WDR4: variants seen among roughly 807,000 people sequenced by gnomAD.
WDR4 encodes the protein WDR4 tRNA N7-guanosine methyltransferase non-catalytic subunit.
A neutral mutation model predicts 48.6 loss-of-function variants in WDR4; 47 were observed. That is an observed-to-expected ratio of 0.97 (90% confidence interval 0.77 to 1.23). The LOEUF (loss-of-function observed/expected upper bound fraction) is 1.23. Among genes scored for constraint, WDR4 ranks in the 50% most tolerant of loss-of-function variants. The pLI, the probability that WDR4 is intolerant of heterozygous loss-of-function variation, is 0.00. For synonymous variants in WDR4, 268 were observed against 230.0 expected (o/e 1.17, Z -1.49); for missense variants, 606 against 551.6 (o/e 1.10, Z -0.99).
chr21:42,859,362 G>A (rs890890216), intron 6 of WDR4, among the ~76,000 whole-genome samples: 6 of 152,308 alleles, frequency 3.9e-5, no homozygotes, highest in African/African-American at 1.4e-4. Flanking sequence ...GTTTCTACCT[G>A]AGATCCTGAT....
intron 9 of WDR4, among the ~76,000 whole-genome samples, chr21:42,853,013 C>A (rs940755719): frequency 1.3e-5 from 2 of 152,208 alleles, no homozygotes; most frequent in South Asian, 2.1e-4. Context: ...AGACGCAGGG[C>A]GGGCAGGGGC....
intron 9 of WDR4, among the ~76,000 whole-genome samples, chr21:42,852,798 C>G (rs2057868964): frequency 6.6e-6 from 1 of 152,014 alleles, no homozygotes; most frequent in Admixed American, 6.6e-5. Context: ...GCCTGTAATC[C>G]CAGCTACTCG....
chr21:42,848,343 TCA>T (rs35351329), downstream of WDR4, among the ~76,000 whole-genome samples: 26,460 of 140,608 alleles, frequency 0.19, 2,565 homozygotes, highest in Non-Finnish European at 0.22. Flanking sequence ...AGTGCGCACC[TCA>T]CACACACACA....
In WDR4 at chr21:42,853,495, CAT is replaced by C. The variant is rs1023811960; in HGVS notation, c.975+72_975+73del. 2.1e-5 allele frequency: 32 copies of C among 1,495,568 alleles called. No individual in the cohort carries two copies. In the African/African-American group the frequency reaches 4.0e-4, roughly 19 times the overall value. 92.6% of individuals were successfully genotyped at this position (1,495,568 alleles called of 1,614,324 possible). ...GAGGCTTACCCATGGACCCAAAAAA[CAT>C]AGCTGCCGCCCCACACCCCCAGGCT... On this transcript the variant is annotated intron_variant, in intron 9 of 10. Coordinates refer to ENST00000398208, the MANE Select transcript of WDR4 (RefSeq NM_018669.6).
intron 6 of WDR4, 29 bp from the exon 7 acceptor site, chr21:42,855,809 C>T: frequency 6.6e-7 from 1 of 1,516,794 alleles, no homozygotes; most frequent in Non-Finnish European, 8.9e-7. Flanking sequence ...CAGGTTAGCA[C>T]ATGGTTGTGG....
chr21:42,854,422 T>C, intron 8 of WDR4, 140 bp downstream of exon 8: 1 of 814,610 alleles, frequency 1.2e-6, no homozygotes, highest in Non-Finnish European at 1.9e-6. Flanking sequence ...AAAAGTGACA[T>C]TCTCAGAGGG....
chr21:42,863,645 G>T, intron 3 of WDR4, 49 bp from the exon 4 acceptor site: 2 of 1,565,238 alleles, frequency 1.3e-6, no homozygotes, highest in Non-Finnish European at 1.7e-6. Context: ...GCAGCGCAGG[G>T]TCCTCGACAG....
chr21:42,848,698 G>A (rs375179410), downstream of WDR4, among the ~76,000 whole-genome samples: 9 of 83,106 alleles, frequency 1.1e-4, no homozygotes, highest in East Asian at 1.2e-3. Context: ...ACGATCACGC[G>A]GCGCACACCT....
In WDR4 at chr21:42,862,454, C is replaced by G; in HGVS notation, c.454-60G>C. 1 of 1,476,150 alleles carries G rather than the reference C, an allele frequency of 6.8e-7. No homozygotes were observed. 91.4% of individuals were successfully genotyped at this position (1,476,150 alleles called of 1,614,324 possible). A position where few individuals can be genotyped will look rare whatever the true frequency, so the allele number is the denominator to read the frequency against. On this transcript the variant is annotated intron_variant, in intron 4 of 10. Transcript: ENST00000398208. The surrounding 1 kb of genome is among the most constrained non-coding windows in gnomAD (Gnocchi z 4.3). Reference sequence around the variant, plus strand: ...TCACCTGAGTCTTCCCGAATCAAGTCCCTCATGGAAGAAGGCAGGGAAGCT... The same window carrying G: ...TCACCTGAGTCTTCCCGAATCAAGTGCCTCATGGAAGAAGGCAGGGAAGCT...
At chr21:42,881,031 G>A (rs1295041357), upstream of WDR4, among the ~76,000 whole-genome samples, 2 of 151,348 alleles carry the variant, frequency 1.3e-5, no homozygotes, top group Non-Finnish European at 2.9e-5. Flanking sequence ...TCAGCCTCCT[G>A]AGTAGCTGGG....
At chr21:42,846,654 T>C (rs939005100), downstream of WDR4, among the ~76,000 whole-genome samples, 4 of 151,952 alleles carry the variant, frequency 2.6e-5, no homozygotes, top group African/African-American at 9.7e-5. Flanking sequence ...TTGAGGCTGC[T>C]GTGAGCTGAG....
chr21:42,871,560 C>T (rs1276991757), intron 3 of WDR4, among the ~76,000 whole-genome samples: 1 of 152,234 alleles, frequency 6.6e-6, no homozygotes. Flanking sequence ...CAAGAGGATG[C>T]CGTTCACAGG....
At chr21:42,868,657 G>GT (rs2058303491) in intron 3 of WDR4, among the ~76,000 whole-genome samples, 1 of 152,228 alleles carries the variant, frequency 6.6e-6, no homozygotes, top group African/African-American at 2.4e-5. Context: ...GGGCCCCACA[G>GT]GCAGCCTAAG....
At chr21:42,867,479 C>A (rs548042483) in intron 3 of WDR4, among the ~76,000 whole-genome samples, 1 of 151,914 alleles carries the variant, frequency 6.6e-6, no homozygotes, top group South Asian at 2.1e-4. Flanking sequence ...ATGCTGCAGG[C>A]TGCCCATCCC....
upstream of WDR4, chr21:42,879,847 G>A: frequency 2.5e-6 from 1 of 405,544 alleles, no homozygotes; most frequent in Non-Finnish European, 4.4e-6. Flanking sequence ...AGGACCTGAT[G>A]ATGGCTACTA....
chr21:42,843,841 G>A (rs1040940214), intron 11 of WDR4, among the ~76,000 whole-genome samples: 1 of 152,092 alleles, frequency 6.6e-6, no homozygotes, highest in African/African-American at 2.4e-5. Context: ...TTACAGGCGT[G>A]AGCCACCGCA....
intron 2 of WDR4, among the ~76,000 whole-genome samples, chr21:42,874,628 T>C (rs1388638221): frequency 6.6e-6 from 1 of 152,064 alleles, no homozygotes; most frequent in East Asian, 1.9e-4. Flanking sequence ...AATGGCCCCC[T>C]TGGGTGTGGC....
intron 2 of WDR4, among the ~76,000 whole-genome samples, chr21:42,875,600 T>G (rs1326557187): frequency 6.6e-6 from 1 of 152,108 alleles, no homozygotes; most frequent in South Asian, 2.1e-4. Flanking sequence ...CCCAGGTACT[T>G]AGGGGGATGA....
chr21:42,863,592 C>G lies in WDR4; in HGVS notation c.301G>C (p.Val101Leu), dbSNP rs537320957. 7.0e-5 allele frequency: 113 copies of G among 1,613,196 alleles called. No individual in the cohort carries two copies. The East Asian group carries it at 2.5e-3, about 35-fold the overall frequency. ...KPWQCLSVRT[V>L]ARRCTALTFI... is the part of the protein sequence containing the mutation. ...GTCAGGGCTGTACACCTCCTTGCCA[C>G]GGTCCTAGAAGGCCAGAAAGACACC... The change falls in exon 4 of 11, where the codon GTG (valine) becomes CTG (leucine). Residue 101 changes from valine (V) to leucine (L), a missense_variant. By Grantham distance (32) the Val-to-Leu change is conservative. Coordinates refer to ENST00000398208, the MANE Select transcript of WDR4 (RefSeq NM_018669.6).
Sources: gnomAD v4.1 joint callset for allele counts (sites outside exome capture counted in the v4.1 genomes callset) on GRCh38, gnomAD v4.1.1 for gene constraint, Gnocchi (gnomAD v3.1) non-coding constraint, MANE v1.5 for transcripts, NCBI Gene and HGNC (gene_info 2026-07-23, HGNC 2026-07-21) for gene names.